STT3A: variants seen among roughly 807,000 people sequenced by gnomAD.
The protein encoded by STT3A is dolichyl-diphosphooligosaccharide--protein glycosyltransferase subunit STT3A.
STT3A carries 34 observed loss-of-function variants against 89.2 expected under a neutral mutation model. The observed-to-expected ratio is 0.38, with a 90% CI of 0.29 to 0.51. The LOEUF is 0.51. Among genes scored for constraint, STT3A ranks in the 20% least tolerant of loss-of-function variants. The pLI, the probability that STT3A is intolerant of heterozygous loss-of-function variation, is 0.89. For missense variants in STT3A, 555 were observed against 889.5 expected (o/e 0.62, Z 4.78); for synonymous variants, 282 against 310.3 (o/e 0.91, Z 0.96).
chr11:125,595,470 C>T (rs1939463450), intron 1 of STT3A, among the ~76,000 whole-genome samples: 1 of 152,076 alleles, frequency 6.6e-6, no homozygotes, highest in African/African-American at 2.4e-5. Flanking sequence ...TTCCCCCCCT[C>T]CGCCCCTGCC....
At chr11:125,612,842 G>T (rs1423534276) in intron 12 of STT3A, 95 bp downstream of exon 12, 1 of 1,534,580 alleles carries the variant, frequency 6.5e-7, no homozygotes, top group African/African-American at 1.4e-5. Context: ...GTAAAGTAGA[G>T]CACTGTCCTA....
chr11:125,616,700 CAG>C (rs1277816610), intron 15 of STT3A, among the ~76,000 whole-genome samples: 1 of 152,148 alleles, frequency 6.6e-6, no homozygotes, highest in Admixed American at 6.5e-5. Flanking sequence ...GTTTTTGAGA[CAG>C]AGTTTCACTT....
rs533010634 is a variant in STT3A, at chr11:125,610,679, CCT to C, written c.1118-748_1118-747del. 622 of 152,084 alleles carry C rather than the reference CCT, an allele frequency of 4.1e-3. 2 individuals carry two copies. Among genetic ancestry groups the C allele is most frequent in the South Asian group, 0.016 (76 of 4,814 alleles). The allele number at this position is 152,084 out of a possible 1,614,324, so 9.4% of individuals were successfully genotyped here. The stretch of plus-strand genomic sequence containing the variant: ...CCAGGCTGGGCAATATAGTGAGACC[CCT>C]GTCTCTACTTAAAAAAAAATAATAA... On this transcript the variant is annotated intron_variant, in intron 10 of 17. Transcript: ENST00000392708.
At chr11:125,601,505 C>T (rs1016315091) in intron 3 of STT3A, among the ~76,000 whole-genome samples, 1 of 152,012 alleles carries the variant, frequency 6.6e-6, no homozygotes, top group Non-Finnish European at 1.5e-5. Flanking sequence ...CCTGTAATCC[C>T]AGTTACTTTC....
At position 125,595,989 on chromosome 11, in the gene STT3A, T is replaced by G; in HGVS notation, c.74T>G (p.Met25Arg). ...DTLLKLLILS[M>R]AAVLSFSTRL... is the part of the protein sequence containing the mutation. ...CTTTTGAAGCTTCTCATTCTGTCAA[T>G]GGCTGCTGTATTATGTGAGTGTGCA... is the stretch of plus-strand genomic sequence containing the variant. The change falls in exon 2 of 18, where the codon ATG (methionine) becomes AGG (arginine). Residue 25 changes from methionine (M) to arginine (R), a missense_variant. By Grantham distance (91) the Met-to-Arg change is moderately conservative. Around this residue, in one of 5 missense-constraint regions of STT3A, gnomAD observed 129 missense variants for 193.2 expected, o/e 0.67. Transcript: ENST00000392708. 1.2e-6 allele frequency: 2 copies of G among 1,613,644 alleles called. No homozygotes were observed. Among genetic ancestry groups the G allele is most frequent in the Non-Finnish European group, 1.7e-6 (2 of 1,179,554 alleles).
At chr11:125,611,643 A>G in intron 11 of STT3A, 124 bp downstream of exon 11, 1 of 873,336 alleles carries the variant, frequency 1.1e-6, no homozygotes, top group Non-Finnish European at 1.8e-6. Context: ...ATTTGAGGGA[A>G]TGAGTTGTAA....
Position 125,606,316 on chromosome 11 carries a change from G to A in STT3A, c.631G>A (p.Gly211Ser). The A allele has an allele frequency of 6.2e-7, 1 of 1,613,742 alleles. No individual in the cohort carries two copies. Among genetic ancestry groups the A allele is most frequent in the Non-Finnish European group, 8.5e-7 (1 of 1,179,940 alleles). Residue 211 changes from glycine (G) to serine (S), a missense_variant, in exon 8 of 18, where the codon GGT becomes AGT. By Grantham distance (56) the Gly-to-Ser change is moderately conservative. Transcript: ENST00000392708. ...AYFYMVSSWG[G>S]YVFLINLIPL... is the part of the protein sequence containing the mutation. ...TCCATCATAGGTCTCGTCATGGGGA[G>A]GTTATGTGTTCCTGATCAACTTAAT...
At chr11:125,601,926 G>A (rs1340363408) in intron 3 of STT3A, among the ~76,000 whole-genome samples, 1 of 151,980 alleles carries the variant, frequency 6.6e-6, no homozygotes, top group Non-Finnish European at 1.5e-5. Context: ...AGCCTCCTGA[G>A]TAGCTGGGAT....
At chr11:125,602,192 A>G in intron 3 of STT3A, 111 bp from the exon 4 acceptor site, 1 of 1,267,534 alleles carries the variant, frequency 7.9e-7, no homozygotes, top group Non-Finnish European at 1.1e-6. Flanking sequence ...TCATGGCATA[A>G]TATCTGATGT....
intron 9 of STT3A, among the ~76,000 whole-genome samples, chr11:125,608,868 C>G (rs1257389860): frequency 1.3e-5 from 2 of 152,054 alleles, no homozygotes; most frequent in Non-Finnish European, 2.9e-5. Context: ...TATATCTTAC[C>G]TTGCGAATCT....
chr11:125,608,541 G>A (rs1217700816), intron 9 of STT3A: 2 of 333,470 alleles, frequency 6.0e-6, no homozygotes, highest in Non-Finnish European at 1.1e-5. Context: ...TGTCAGGCTG[G>A]TCTCAAACTC....
chr11:125,605,625 G>T lies in STT3A; in HGVS notation c.509-4G>T. ...GTTGAATTTTTGGTGTGTCCTTTCT[G>T]CAGGGATTGCCATCTTTTGCATGCT... On this transcript the variant is annotated splice_region_variant and splice_polypyrimidine_tract_variant and intron_variant, in intron 6 of 17. Transcript: ENST00000392708. 4.3e-6 allele frequency: 7 copies of T among 1,611,882 alleles called. No individual in the cohort carries two copies. Among genetic ancestry groups the T allele is most frequent in the Non-Finnish European group, 5.9e-6 (7 of 1,178,582 alleles).
intron 8 of STT3A, 61 bp downstream of exon 8, chr11:125,606,526 C>A: frequency 6.6e-7 from 1 of 1,509,946 alleles, no homozygotes; most frequent in Non-Finnish European, 8.9e-7. Context: ...CCCAACTAGA[C>A]TGATTTATCT....
chr11:125,609,292 C>T, intron 9 of STT3A, 142 bp from the exon 10 acceptor site: 1 of 1,000,532 alleles, frequency 1.0e-6, no homozygotes. Context: ...GTGAAACTCT[C>T]TAAGTATTGG....
intron 15 of STT3A, 140 bp from the exon 16 acceptor site, chr11:125,618,233 C>T: frequency 1.3e-6 from 1 of 764,828 alleles, no homozygotes. Context: ...CGTATGTTGT[C>T]CTCACTATTT....
intron 9 of STT3A, 183 bp downstream of exon 9, chr11:125,608,472 G>A (rs1353122670): frequency 1.6e-5 from 8 of 506,330 alleles, no homozygotes; most frequent in African/African-American, 1.2e-4. Context: ...CTGCCACCGC[G>A]CCCGCCACCA....
At chr11:125,592,506 G>A (rs761828548), upstream of STT3A, 139 of 455,336 alleles carry the variant, frequency 3.1e-4, no homozygotes, top group Non-Finnish European at 5.5e-4. Context: ...TCCGCTTCTT[G>A]TCACATGACG....
intron 4 of STT3A, 150 bp downstream of exon 4, chr11:125,602,574 A>T (rs1939717989): frequency 8.8e-7 from 1 of 1,133,238 alleles, no homozygotes; most frequent in African/African-American, 1.6e-5. Context: ...ATCTTACATA[A>T]ACAGGAGTAC....
At chr11:125,612,783 C>A in intron 12 of STT3A, 36 bp downstream of exon 12, 1 of 1,565,022 alleles carries the variant, frequency 6.4e-7, no homozygotes, top group South Asian at 1.1e-5. Context: ...TTGGGAAACT[C>A]TGTGTGTGTG....
Sources: gnomAD v4.1 joint callset for allele counts (sites outside exome capture counted in the v4.1 genomes callset) on GRCh38, gnomAD v4.1.1 for gene constraint, gnomAD v4.1.1 regional missense constraint, MANE v1.5 for transcripts, NCBI Gene and HGNC (gene_info 2026-07-23, HGNC 2026-07-21) for gene names.